Variants in MAPK7 observed in about 807,000 individuals in gnomAD.
MAPK7 encodes mitogen-activated protein kinase 7.
MAPK7 carries 30 observed loss-of-function variants against 56.9 expected under a neutral mutation model. The ratio of observed to expected loss-of-function variants is 0.53; its 90% CI spans 0.39 to 0.72. The LOEUF (loss-of-function observed/expected upper bound fraction) is 0.72, where lower values mean the gene tolerates loss of function less well. Among genes scored for constraint, MAPK7 ranks in the 30% least tolerant of loss-of-function variants. The pLI is 0.00. For synonymous variants in MAPK7, 516 were observed against 449.3 expected, an observed-to-expected ratio of 1.15 and a Z score of -1.88; for missense variants, 952 against 1,110.8, an observed-to-expected ratio of 0.86 and a Z score of 2.03.
At position 19,383,065 on chromosome 17, in the gene MAPK7, C is replaced by T; in HGVS notation, c.2298-13C>T. On this transcript the variant is annotated splice_polypyrimidine_tract_variant and intron_variant, in intron 6 of 6. Transcript: ENST00000395604. ...CTAGGCTAATAGCACCCCTCCCTTT[C>T]CTTCCCCTGCAGCCAGGCAGATTCA... is the stretch of plus-strand genomic sequence containing the variant. 6.2e-7 allele frequency: 1 copy of T among 1,613,870 alleles called. No homozygotes were observed. Among genetic ancestry groups the T allele is most frequent in the Non-Finnish European group, 8.5e-7 (1 of 1,179,832 alleles).
rs994149334 is a variant in MAPK7 at position 19,382,604 on chromosome 17, G to T, written c.2163+138G>T. 16 of 1,481,764 alleles carry T rather than the reference G, an allele frequency of 1.1e-5. No homozygotes were observed. In the African/African-American group the frequency reaches 2.1e-4, roughly 20 times the overall value. The allele number at this position is 1,481,764 out of a possible 1,614,324, so 91.8% of individuals were successfully genotyped here. A position where few individuals can be genotyped will look rare whatever the true frequency, so the allele number is the denominator to read the frequency against. On this transcript the variant is annotated intron_variant, in intron 5 of 6. Transcript: ENST00000395604. The stretch of plus-strand genomic sequence containing the variant: ...GAACGTGTCCTCTTGCTCACAGAAG[G>T]AGCATAATGGCAATGAAGAGGTTGT...
chr17:19,378,071 C>T (rs1960900454), upstream of MAPK7: 1 of 985,036 alleles, frequency 1.0e-6, no homozygotes, highest in African/African-American at 1.7e-5. This position sits in a 1 kb window ranked among gnomAD's most constrained non-coding sequence, Gnocchi z 5.4. Context: ...ATTCCCTGGG[C>T]GGAAGGGGAC....
chr17:19,380,578 C>T (rs1912562824), intron 3 of MAPK7, 30 bp from the exon 4 acceptor site: 2 of 1,567,104 alleles, frequency 1.3e-6, no homozygotes, highest in Non-Finnish European at 1.7e-6. Context: ...TCAGGCCAAC[C>T]CATGCTTCTC....
chr17:19,379,169 G>A (rs1404118373), intron 2 of MAPK7, 37 bp downstream of exon 2: 1 of 1,580,856 alleles, frequency 6.3e-7, no homozygotes, highest in Admixed American at 1.7e-5. Flanking sequence ...AGATGTGGCA[G>A]CGTCGCAGGG....
chr17:19,383,020 G>GGGAT (rs1912857675), intron 6 of MAPK7, 58 bp from the exon 7 acceptor site: 1 of 1,612,256 alleles, frequency 6.2e-7, no homozygotes, highest in East Asian at 2.2e-5. Flanking sequence ...ATGCACCTGT[G>GGGAT]GGATGGGTGA....
chr17:19,379,270 C>T, intron 2 of MAPK7, 138 bp downstream of exon 2: 3 of 765,716 alleles, frequency 3.9e-6, no homozygotes, highest in South Asian at 3.6e-5. Context: ...GGGCCTTCTG[C>T]CTGCCAGGCT....
At chr17:19,379,630 A>G in intron 2 of MAPK7, 152 bp from the exon 3 acceptor site, 1 of 667,326 alleles carries the variant, frequency 1.5e-6, no homozygotes, top group South Asian at 1.9e-5. Context: ...TGTAGGTAAC[A>G]TGCTTAGCAC....
chr17:19,379,961 T>C lies in MAPK7; in HGVS notation c.398+14T>C, dbSNP rs1450047659. The C allele has an allele frequency of 6.2e-7, 1 of 1,609,052 alleles. No individual in the cohort carries two copies. Among genetic ancestry groups the C allele is most frequent in the Admixed American group, 1.7e-5 (1 of 59,664 alleles). On this transcript the variant is annotated intron_variant, in intron 3 of 6. Coordinates refer to ENST00000395604, the MANE Select transcript of MAPK7 (RefSeq NM_002749.4). ...ATTCAAATCTGTGTAAGAAGCGGGA[T>C]GGGAGAGGGAGCCAGACTTGGGACT...
intron 2 of MAPK7, chr17:19,379,530 C>A: frequency 3.5e-6 from 2 of 568,820 alleles, no homozygotes; most frequent in Non-Finnish European, 6.2e-6. Context: ...GTGCAACCTC[C>A]AACAAGTTAC....
rs1912643235 is a variant in MAPK7 at position 19,381,322 on chromosome 17, CCTCA to C, written c.1117_1120del (p.Thr373GlyfsTer78). 6.2e-7 allele frequency: 1 copy of C among 1,614,008 alleles called. No homozygotes were observed. Among genetic ancestry groups the C allele is most frequent in the Non-Finnish European group, 8.5e-7 (1 of 1,180,056 alleles). ...TTGACTTTGCCTTTGACCGCGAAGC[CCTCA>C]CTCGGGAGCGCATTAAGGAGGCCAT... On this transcript the variant is annotated frameshift_variant, in exon 4 of 7. Transcript: ENST00000395604. LOFTEE classifies it high-confidence loss of function. This position sits in a 1 kb window ranked among gnomAD's most constrained non-coding sequence, Gnocchi z 4.6.
intron 2 of MAPK7, 92 bp downstream of exon 2, chr17:19,379,224 G>A (rs976100931): frequency 1.7e-6 from 2 of 1,181,482 alleles, no homozygotes; most frequent in Non-Finnish European, 2.4e-6. Flanking sequence ...GGAAAGCGGG[G>A]TGCGAGTTCT....
chr17:19,379,041 G>C lies in MAPK7; in HGVS notation c.141G>C (p.Val47=), dbSNP rs764364202. The change falls in exon 2 of 7, where the codon GTG becomes GTC. Residue 47 remains valine, a synonymous_variant. Coordinates refer to ENST00000395604, the MANE Select transcript of MAPK7 (RefSeq NM_002749.4). ...LALLKARSFD[V]TFDVGDEYEI... ...TGCTTAAAGCCCGCTCCTTCGATGT[G>C]ACCTTTGACGTGGGCGACGAGTACG... 1.2e-6 allele frequency: 2 copies of C among 1,614,158 alleles called. No homozygotes were observed. The highest frequency in any genetic ancestry group is 4.5e-5 in the East Asian group (2 of 44,876).
intron 2 of MAPK7, chr17:19,379,426 C>G: frequency 1.8e-6 from 1 of 560,152 alleles, no homozygotes; most frequent in Non-Finnish European, 3.2e-6. Context: ...GTTCTGGAGC[C>G]AGACACTGGC....
rs71369423 is a variant in MAPK7, at chr17:19,381,412, C to G, written c.1203C>G (p.Phe401Leu). 6.2e-7 allele frequency: 1 copy of G among 1,614,230 alleles called. No individual in the cohort carries two copies. The highest frequency in any genetic ancestry group is 8.5e-7 in the Non-Finnish European group (1 of 1,180,054). The stretch of plus-strand genomic sequence containing the variant: ...AGGGCATCCGCCAACAGATCCGCTT[C>G]CAGCCTTCTCTACAGCCTGTGGCTA... ...RREGIRQQIR[F>L]QPSLQPVASE... is the part of the protein sequence containing the mutation. Residue 401 changes from phenylalanine to leucine, a missense_variant, in exon 4 of 7, where the codon TTC becomes TTG. Phe to Leu is a conservative substitution (Grantham distance 22). This residue lies in a region of MAPK7 where 429 missense variants were observed against 533.0 expected (regional missense o/e 0.80). Coordinates refer to ENST00000395604, the MANE Select transcript of MAPK7 (RefSeq NM_002749.4). The surrounding 1 kb of genome is among the most constrained non-coding windows in gnomAD (Gnocchi z 4.6).
rs755895662 is a variant in MAPK7, at chr17:19,383,139, A to G, written c.2359A>G (p.Met787Val). Residue 787 changes from methionine (M) to valine (V), a missense_variant, in exon 7 of 7, where the codon ATG becomes GTG. Around this residue, in one of 5 missense-constraint regions of MAPK7, gnomAD observed 73 missense variants for 104.6 expected, o/e 0.70. Transcript: ENST00000395604. ...TGCTGACTGGCTCGAAGGCCATGGCATGAACCCTGCCGATATTGAGTCCCT... is the reference window on the plus strand; with the variant it reads ...TGCTGACTGGCTCGAAGGCCATGGCGTGAACCCTGCCGATATTGAGTCCCT... ...LLADWLEGHG[M>V]NPADIESLQR... The G allele has an allele frequency of 6.2e-7, 1 of 1,613,922 alleles. No individual in the cohort carries two copies. The highest frequency in any genetic ancestry group is 1.3e-5 in the African/African-American group (1 of 74,904).
At position 19,378,828 on chromosome 17, in the gene MAPK7, C is replaced by T; in HGVS notation, c.-5-68C>T. On this transcript the variant is annotated intron_variant, in intron 1 of 6. Coordinates refer to ENST00000395604, the MANE Select transcript of MAPK7 (RefSeq NM_002749.4). The surrounding 1 kb of genome is among the most constrained non-coding windows in gnomAD (Gnocchi z 5.4). ...ACTGGGAAGTTCCCTGGTCCTGCTCCCCAGCCCGCAGAGGGGACACTGAGG... is the reference window on the plus strand; with the variant it reads ...ACTGGGAAGTTCCCTGGTCCTGCTCTCCAGCCCGCAGAGGGGACACTGAGG... 1 of 1,404,214 alleles carries T rather than the reference C, an allele frequency of 7.1e-7. No homozygotes were observed. The highest frequency in any genetic ancestry group is 9.7e-7 in the Non-Finnish European group (1 of 1,034,000). 87.0% of individuals were successfully genotyped at this position (1,404,214 alleles called of 1,614,324 possible). A position where few individuals can be genotyped will look rare whatever the true frequency, so the allele number is the denominator to read the frequency against.
rs938416019 is a variant in MAPK7, at chr17:19,382,538, G to C, written c.2163+72G>C. 2.5e-5 allele frequency: 38 copies of C among 1,513,828 alleles called. No homozygotes were observed. In the African/African-American group the frequency reaches 5.0e-4, roughly 20 times the overall value. The allele number at this position is 1,513,828 out of a possible 1,614,324, so 93.8% of individuals were successfully genotyped here. ...GGAAAATGGGTTCAGGAAGCGGTCA[G>C]TGTTCCACAAAAACTGAGCAGCAGA... On this transcript the variant is annotated intron_variant, in intron 5 of 6. Transcript: ENST00000395604.
rs1461067905 is a variant in MAPK7 at position 19,378,589 on chromosome 17, G to C, written c.-47G>C. On this transcript the variant is annotated 5_prime_UTR_variant, in exon 1 of 7. Coordinates refer to ENST00000395604, the MANE Select transcript of MAPK7 (RefSeq NM_002749.4). This position sits in a 1 kb window ranked among gnomAD's most constrained non-coding sequence, Gnocchi z 5.4. ...ACCCCCGCGCTGGGGACGGGAGGCC[G>C]GCGAGCCTCGGGACCTCTGAAAGCC... The C allele has an allele frequency of 2.0e-5, 24 of 1,227,946 alleles. No individual in the cohort carries two copies. The highest frequency in any genetic ancestry group is 2.3e-5 in the Non-Finnish European group (23 of 979,000). The allele number at this position is 1,227,946 out of a possible 1,614,324, so 76.1% of individuals were successfully genotyped here.
At chr17:19,378,464 G>C (rs1292624814), upstream of MAPK7, 1 of 1,026,902 alleles carries the variant, frequency 9.7e-7, no homozygotes, top group Admixed American at 5.4e-5. The surrounding 1 kb of genome is among the most constrained non-coding windows in gnomAD (Gnocchi z 5.4). Flanking sequence ...TGGAGGGAGC[G>C]TGGCCTTGGG....
Sources: gnomAD v4.1 joint callset for allele counts on GRCh38, gnomAD v4.1.1 for gene constraint, gnomAD v4.1.1 regional missense constraint, Gnocchi (gnomAD v3.1) non-coding constraint, MANE v1.5 for transcripts, NCBI Gene and HGNC (gene_info 2026-07-23, HGNC 2026-07-21) for gene names.